The following THRB variants were observed in gnomAD, a reference collection of about 807,000 sequenced individuals.
THRB encodes thyroid hormone receptor beta, also known as nuclear receptor subfamily 1 group A member 2.
In THRB, 12 loss-of-function variants were observed where a neutral mutation model predicts 47.8. The observed-to-expected ratio is 0.25, with a 90% CI of 0.16 to 0.41. The LOEUF is 0.41. THRB is among the 10% of genes least tolerant of loss of function. The pLI, the probability that THRB is intolerant of heterozygous loss-of-function variation, is 1.00. For synonymous variants in THRB, 218 were observed against 212.2 expected, an observed-to-expected ratio of 1.03 and a Z score of -0.24; for missense variants, 348 against 589.2, an observed-to-expected ratio of 0.59 and a Z score of 4.24.
intron 8 of THRB, among the ~76,000 whole-genome samples, chr3:24,135,839 ATATAT>A (rs2034567434): frequency 8.3e-6 from 1 of 120,868 alleles, no homozygotes; most frequent in Non-Finnish European, 1.7e-5. Context: ...ATATATATAT[ATATAT>A]ATAATACATA....
At chr3:24,358,313 T>A (rs1231140612) in intron 1 of THRB, among the ~76,000 whole-genome samples, 2 of 152,132 alleles carry the variant, frequency 1.3e-5, no homozygotes, top group Non-Finnish European at 2.9e-5. Context: ...TAACTGTCCT[T>A]TATTTTGTAG....
intron 4 of THRB, among the ~76,000 whole-genome samples, chr3:24,199,428 G>T (rs1015688283): frequency 6.6e-6 from 1 of 152,092 alleles, no homozygotes; most frequent in African/African-American, 2.4e-5. Flanking sequence ...TTCTGTCCCC[G>T]TGTGCAAGTG....
At chr3:24,280,158 G>C (rs183298428) in intron 3 of THRB, among the ~76,000 whole-genome samples, 1 of 152,330 alleles carries the variant, frequency 6.6e-6, no homozygotes, top group African/African-American at 2.4e-5. Context: ...CAGCCTGAGC[G>C]ACGCAGAAGA....
intron 1 of THRB, among the ~76,000 whole-genome samples, chr3:24,451,423 G>T (rs1477533748): frequency 6.6e-6 from 1 of 151,902 alleles, no homozygotes; most frequent in Admixed American, 6.6e-5. Flanking sequence ...TTTTAGTAGA[G>T]ATGGGGTTTC....
intron 1 of THRB, among the ~76,000 whole-genome samples, chr3:24,417,682 T>C (rs768321935): frequency 6.6e-6 from 1 of 151,940 alleles, no homozygotes; most frequent in Non-Finnish European, 1.5e-5. Flanking sequence ...GGAATAACTA[T>C]ATTGATTAGC....
At chr3:24,466,254 TG>T (rs1043645072) in intron 1 of THRB, among the ~76,000 whole-genome samples, 18 of 152,206 alleles carry the variant, frequency 1.2e-4, no homozygotes, top group Non-Finnish European at 2.6e-4. Flanking sequence ...TGGGTTTTAT[TG>T]TTTTTTTTCC....
intron 1 of THRB, among the ~76,000 whole-genome samples, chr3:24,416,071 G>A (rs745827826): frequency 6.6e-6 from 1 of 151,786 alleles, no homozygotes; most frequent in African/African-American, 2.4e-5. Context: ...GTATATTCAA[G>A]AGTGCAATTG....
At position 24,478,392 on chromosome 3, in the gene THRB, T is replaced by C. The variant is rs551582972; in HGVS notation, c.-261+16260A>G. Among the ~76,000 whole-genome samples the C allele has an allele frequency of 3.3e-5, 5 of 152,370 alleles. No homozygotes were observed. In the South Asian group the frequency reaches 1.0e-3, roughly 32 times the overall value. ...AAATATTTGATAACAAAAGAATGAATGGATGAACGTAATTTTAAAAATAAC... is the reference window on the plus strand; with the variant it reads ...AAATATTTGATAACAAAAGAATGAACGGATGAACGTAATTTTAAAAATAAC... On this transcript the variant is annotated intron_variant, in intron 1 of 10. Coordinates refer to ENST00000646209, the MANE Select transcript of THRB (RefSeq NM_001354712.2).
intron 4 of THRB, among the ~76,000 whole-genome samples, chr3:24,223,836 TAAAC>T (rs1252811039): frequency 1.3e-5 from 2 of 151,880 alleles, no homozygotes; most frequent in African/African-American, 4.8e-5. Flanking sequence ...ATAGAAAAGT[TAAAC>T]AAACAGGTTA....
intron 2 of THRB, among the ~76,000 whole-genome samples, chr3:24,304,935 A>C (rs2057234330): frequency 6.6e-6 from 1 of 152,242 alleles, no homozygotes; most frequent in East Asian, 1.9e-4. Context: ...ACAGAAATTA[A>C]CTGACCCAAG....
chr3:24,447,685 G>A (rs1228778126), intron 1 of THRB, among the ~76,000 whole-genome samples: 1 of 152,066 alleles, frequency 6.6e-6, no homozygotes, highest in African/African-American at 2.4e-5. Flanking sequence ...TCCTGGAGGG[G>A]AAGGGGTGAG....
chr3:24,333,445 T>A (rs1189954381), intron 2 of THRB, among the ~76,000 whole-genome samples: 2 of 152,242 alleles, frequency 1.3e-5, no homozygotes, highest in Admixed American at 6.5e-5. Flanking sequence ...TATTTTCCAT[T>A]TGGTTAAATT....
At chr3:24,488,094 C>T (rs1302533698) in intron 1 of THRB, among the ~76,000 whole-genome samples, 1 of 152,224 alleles carries the variant, frequency 6.6e-6, no homozygotes, top group Non-Finnish European at 1.5e-5. Flanking sequence ...TCATCACAAA[C>T]ATTCCTGAGC....
chr3:24,451,148 C>T (rs1284833875), intron 1 of THRB, among the ~76,000 whole-genome samples: 3 of 151,226 alleles, frequency 2.0e-5, no homozygotes, highest in African/African-American at 7.3e-5. Context: ...TTACTAATGA[C>T]GTCTAAATTA....
chr3:24,207,257 G>A (rs1353077620), intron 4 of THRB, among the ~76,000 whole-genome samples: 2 of 152,128 alleles, frequency 1.3e-5, no homozygotes, highest in Non-Finnish European at 2.9e-5. Flanking sequence ...TAAAATACGG[G>A]CAAACTGAAT....
chr3:24,195,246 T>C (rs2043820868), intron 4 of THRB, among the ~76,000 whole-genome samples: 1 of 152,222 alleles, frequency 6.6e-6, no homozygotes, highest in Admixed American at 6.5e-5. Flanking sequence ...CTAGACACTT[T>C]ATCTTCACAA....
chr3:24,166,836 T>C (rs566348381), intron 5 of THRB, among the ~76,000 whole-genome samples: 97 of 152,246 alleles, frequency 6.4e-4, no homozygotes, highest in Non-Finnish European at 1.2e-3. Flanking sequence ...CAGTGAGACC[T>C]TTGCTTTGGA....
At chr3:24,162,063 T>G (rs373087390) in intron 5 of THRB, among the ~76,000 whole-genome samples, 1 of 152,028 alleles carries the variant, frequency 6.6e-6, no homozygotes, top group African/African-American at 2.4e-5. Flanking sequence ...GAGGTTGACC[T>G]GCAAAGCTGC....
chr3:24,487,442 AT>A (rs1697479876), intron 1 of THRB, among the ~76,000 whole-genome samples: 1 of 152,216 alleles, frequency 6.6e-6, no homozygotes, highest in African/African-American at 2.4e-5. Flanking sequence ...GCATGCTAGT[AT>A]AAAAATAGGC....
Sources: allele counts gnomAD v4.1 joint callset (sites outside exome capture counted in the v4.1 genomes callset), GRCh38; gene constraint gnomAD v4.1.1; transcripts MANE v1.5; gene names NCBI Gene and HGNC (gene_info 2026-07-23, HGNC 2026-07-21).